XKR6: variants seen among roughly 807,000 people sequenced by gnomAD.
The protein encoded by XKR6 is XK related 6, also known as XK-related protein 6.
XKR6 carries 22 observed loss-of-function variants against 56.7 expected under a neutral mutation model. The ratio of observed to expected loss-of-function variants is 0.39; its 90% CI spans 0.28 to 0.55. The LOEUF is 0.55. XKR6 is among the 20% of genes least tolerant of loss of function. The pLI, the probability that XKR6 is intolerant of heterozygous loss-of-function variation, is 0.66. For synonymous variants in XKR6, 524 were observed against 387.8 expected (o/e 1.35, Z -4.13); for missense variants, 852 against 889.0 (o/e 0.96, Z 0.53).
intron 1 of XKR6, among the ~76,000 whole-genome samples, chr8:11,120,946 C>G (rs961596331): frequency 6.6e-6 from 1 of 152,288 alleles, no homozygotes; most frequent in East Asian, 1.9e-4. Flanking sequence ...AAAGGATTCC[C>G]TATTTAATAA....
intron 1 of XKR6, among the ~76,000 whole-genome samples, chr8:11,074,677 A>G (rs187974657): frequency 6.6e-6 from 1 of 152,300 alleles, no homozygotes; most frequent in Admixed American, 6.5e-5. Context: ...GGAAGCACAC[A>G]GTCCAAGGTG....
chr8:11,172,841 G>T (rs895990926), intron 1 of XKR6, among the ~76,000 whole-genome samples: 2 of 152,160 alleles, frequency 1.3e-5, no homozygotes, highest in African/African-American at 4.8e-5. Context: ...AAACACTACA[G>T]AAGATTCACG....
chr8:10,979,258 G>A (rs1019176953), intron 1 of XKR6, among the ~76,000 whole-genome samples: 2 of 151,954 alleles, frequency 1.3e-5, no homozygotes, highest in South Asian at 2.1e-4. Flanking sequence ...AACCCCCAAG[G>A]GCCCAGCGAA....
chr8:10,995,577 A>G (rs908064840), intron 1 of XKR6, among the ~76,000 whole-genome samples: 10 of 150,920 alleles, frequency 6.6e-5, no homozygotes, highest in Middle Eastern at 3.4e-3. Flanking sequence ...GGTCCCAGCT[A>G]CTTGGGAAGC....
At chr8:10,980,260 G>A (rs998130359) in intron 1 of XKR6, among the ~76,000 whole-genome samples, 2 of 152,168 alleles carry the variant, frequency 1.3e-5, no homozygotes, top group African/African-American at 4.8e-5. Flanking sequence ...GGGGAGGGCT[G>A]CAGCTTGCGG....
At chr8:11,120,881 C>A (rs1040671276) in intron 1 of XKR6, among the ~76,000 whole-genome samples, 2 of 152,048 alleles carry the variant, frequency 1.3e-5, no homozygotes, top group African/African-American at 4.8e-5. Context: ...GAAATAATGC[C>A]GCATATCTAC....
chr8:10,996,048 G>A (rs1368447827), intron 1 of XKR6, among the ~76,000 whole-genome samples: 1 of 152,168 alleles, frequency 6.6e-6, no homozygotes, highest in Non-Finnish European at 1.5e-5. Context: ...CAAGGATCTG[G>A]AATTCTACAC....
At chr8:11,124,100 T>A (rs1289177434) in intron 1 of XKR6, 1 of 430,672 alleles carries the variant, frequency 2.3e-6, no homozygotes, top group East Asian at 7.2e-5. Flanking sequence ...CATACTATAT[T>A]TTTACTTATT....
chr8:10,918,503 C>T (rs1004568171), intron 2 of XKR6, among the ~76,000 whole-genome samples: 4 of 152,238 alleles, frequency 2.6e-5, no homozygotes, highest in Admixed American at 6.5e-5. Context: ...TCCACTCCAT[C>T]CCGTCAGCAG....
intron 1 of XKR6, among the ~76,000 whole-genome samples, chr8:10,955,035 A>T (rs2129128252): frequency 6.6e-6 from 1 of 151,700 alleles, no homozygotes; most frequent in South Asian, 2.1e-4. Context: ...TGCCCAGCTA[A>T]TTTTTGTATT....
Position 10,964,888 on chromosome 8 carries a change from C to T in XKR6, c.765-40058G>A, listed in dbSNP as rs148470686. Among the ~76,000 whole-genome samples the T allele has an allele frequency of 9.1e-4, 138 of 152,354 alleles. 2 individuals carry two copies. Among genetic ancestry groups the T allele is most frequent in the South Asian group, 2.1e-3 (10 of 4,822 alleles). ...AGCCCACGTCTGTGAGAACTGCATT[C>T]GGACTTAGTTTCCCCGGCCAGCGCT... On this transcript the variant is annotated intron_variant, in intron 1 of 2. Transcript: ENST00000416569.
At chr8:10,930,575 T>C (rs994301048) in intron 1 of XKR6, among the ~76,000 whole-genome samples, 14 of 152,166 alleles carry the variant, frequency 9.2e-5, no homozygotes, top group African/African-American at 3.4e-4. Flanking sequence ...TTAAATCCAG[T>C]AATATATGGA....
intron 1 of XKR6, chr8:11,124,958 A>G (rs1305622628): frequency 6.6e-6 from 1 of 151,170 alleles, no homozygotes; most frequent in East Asian, 1.9e-4. Flanking sequence ...GCGTGGTGGC[A>G]GATGCCTGTA....
intron 1 of XKR6, among the ~76,000 whole-genome samples, chr8:11,051,038 C>T (rs545277200): frequency 1.3e-5 from 2 of 152,252 alleles, no homozygotes; most frequent in African/African-American, 4.8e-5. Context: ...GACTAGCAGC[C>T]CCTGCCAGTC....
intron 1 of XKR6, among the ~76,000 whole-genome samples, chr8:10,981,630 C>T (rs751060665): frequency 2.1e-4 from 32 of 152,174 alleles, no homozygotes; most frequent in Admixed American, 9.8e-4. Context: ...TTAGCACTGA[C>T]CGCACTTCCA....
At chr8:10,995,771 T>C (rs1563334894) in intron 1 of XKR6, among the ~76,000 whole-genome samples, 2 of 151,866 alleles carry the variant, frequency 1.3e-5, no homozygotes. Flanking sequence ...CGATGAAGGC[T>C]GCACCTGGCC....
At chr8:11,127,530 T>C (rs1469432313) in intron 1 of XKR6, among the ~76,000 whole-genome samples, 1 of 152,210 alleles carries the variant, frequency 6.6e-6, no homozygotes. Context: ...TCCCTGGCCT[T>C]TTCCAGCTTC....
At chr8:10,957,743 C>T (rs1251665622) in intron 1 of XKR6, among the ~76,000 whole-genome samples, 1 of 152,156 alleles carries the variant, frequency 6.6e-6, no homozygotes, top group South Asian at 2.1e-4. Context: ...GACCTCTCCT[C>T]ATCCCAGGAT....
chr8:10,941,113 C>G (rs922815898), intron 1 of XKR6, among the ~76,000 whole-genome samples: 1 of 152,114 alleles, frequency 6.6e-6, no homozygotes, highest in Non-Finnish European at 1.5e-5. Context: ...TTTCCCACTG[C>G]CTTATGACAC....
Sources: gnomAD v4.1 joint callset for allele counts (sites outside exome capture counted in the v4.1 genomes callset) on GRCh38, gnomAD v4.1.1 for gene constraint, MANE v1.5 for transcripts, NCBI Gene and HGNC (gene_info 2026-07-23, HGNC 2026-07-21) for gene names.